The following CWH43 variants were observed in gnomAD, a reference collection of about 807,000 sequenced individuals.
The protein encoded by CWH43 is cell wall biogenesis 43 C-terminal homolog.
CWH43 carries 91 observed loss-of-function variants against 85.7 expected under a neutral mutation model. The observed-to-expected ratio is 1.06, with a 90% CI of 0.90 to 1.26. The LOEUF is 1.26. Ranked by LOEUF, CWH43 falls within the 50% of genes most tolerant of loss-of-function variation. The probability of loss-of-function intolerance (pLI) is 0.00; values close to 1 mark genes in which losing one functional copy is unlikely to be tolerated. For missense variants in CWH43, 869 were observed against 839.2 expected (o/e 1.04, Z -0.44); for synonymous variants, 323 against 293.6 (o/e 1.10, Z -1.02).
rs746764467 is a variant in CWH43 at position 49,028,640 on chromosome 4, A to T, written c.1278A>T (p.Lys426Asn). ...AAACAATTCCTCAGGCACCAACCAA[A>T]GAGGTCTCTGCTGCCATCTGGCCTT... ...ERKLGKVAPT[K>N]EVSAAIWPFR... Residue 426 changes from lysine (K) to asparagine (N), a missense_variant, in exon 10 of 16, where the codon AAA (lysine) becomes AAT (asparagine). Physicochemically the swap from Lys to Asn is moderately conservative, Grantham distance 94. Transcript: ENST00000226432. The T allele has an allele frequency of 4.3e-6, 7 of 1,612,960 alleles. No individual in the cohort carries two copies. The highest frequency in any genetic ancestry group is 5.9e-6 in the Non-Finnish European group (7 of 1,179,340).
chr4:49,004,217 C>T (rs1783082734), intron 7 of CWH43, among the ~76,000 whole-genome samples: 1 of 152,168 alleles, frequency 6.6e-6, no homozygotes, highest in South Asian at 2.1e-4. Context: ...ATACTTATTA[C>T]TACAAAGGTC....
chr4:49,049,085 C>G (rs775094569), intron 14 of CWH43, among the ~76,000 whole-genome samples: 70 of 152,196 alleles, frequency 4.6e-4, no homozygotes, highest in Admixed American at 1.1e-3. Flanking sequence ...TTAAATGGGT[C>G]AGAACTTTGA....
Position 48,998,552 on chromosome 4 carries a change from T to C in CWH43, c.802+4T>C, listed in dbSNP as rs1782891160. On this transcript the variant is annotated splice_donor_region_variant and intron_variant, in intron 6 of 15. Coordinates refer to ENST00000226432, the MANE Select transcript of CWH43 (RefSeq NM_025087.3). The stretch of plus-strand genomic sequence containing the variant: ...GGTTTGATCTGGTGGGTTACAGGTA[T>C]GTGGAATTTACCTGCAGATAGAACA... 2 of 1,606,212 alleles carry C rather than the reference T, an allele frequency of 1.2e-6. No homozygotes were observed. Among genetic ancestry groups the C allele is most frequent in the East Asian group, 2.2e-5 (1 of 44,856 alleles).
At chr4:49,006,759 T>A (rs1783169805) in intron 7 of CWH43, among the ~76,000 whole-genome samples, 1 of 152,176 alleles carries the variant, frequency 6.6e-6, no homozygotes, top group Non-Finnish European at 1.5e-5. Flanking sequence ...AAAACTCACA[T>A]CCTGGGGCAG....
At position 49,057,677 on chromosome 4, in the gene CWH43, T is replaced by G. The variant is rs77497646; in HGVS notation, c.2022-4135T>G. On this transcript the variant is annotated intron_variant, in intron 15 of 15. Transcript: ENST00000226432. ...GTCTACTGTTTCCTTGTTGATTTTCTATTTGAATGATTTATCCATTGTTGG... is the reference window on the plus strand; with the variant it reads ...GTCTACTGTTTCCTTGTTGATTTTCGATTTGAATGATTTATCCATTGTTGG... Among the ~76,000 whole-genome samples, 538 of 152,356 alleles carry G rather than the reference T, an allele frequency of 3.5e-3. 21 individuals are homozygous for G. The East Asian group carries it at 0.087, about 25-fold the overall frequency.
chr4:49,040,343 C>T (rs1414852975), intron 13 of CWH43, among the ~76,000 whole-genome samples: 1 of 152,206 alleles, frequency 6.6e-6, no homozygotes, highest in Non-Finnish European at 1.5e-5. Flanking sequence ...AATGGTTGAA[C>T]TAGTTTACAG....
chr4:48,988,820 T>A, intron 2 of CWH43, 152 bp downstream of exon 2: 1 of 567,264 alleles, frequency 1.8e-6, no homozygotes, highest in Non-Finnish European at 3.0e-6. Context: ...CTTTAGTAAT[T>A]GGAAGACTAG....
chr4:49,029,713 C>T (rs1784036054), intron 10 of CWH43, among the ~76,000 whole-genome samples: 1 of 152,234 alleles, frequency 6.6e-6, no homozygotes, highest in South Asian at 2.1e-4. Context: ...GGCAGCAATG[C>T]TGCTCAGTTA....
chr4:48,986,453 C>G lies in CWH43; in HGVS notation c.24C>G (p.Ile8Met). The change falls in exon 1 of 16, where the codon ATC becomes ATG. Residue 8 changes from isoleucine (I) to methionine (M), a missense_variant. This residue lies in a region of CWH43 where 140 missense variants were observed against 122.6 expected (regional missense o/e 1.14). Coordinates refer to ENST00000226432, the MANE Select transcript of CWH43 (RefSeq NM_025087.3). ...CGATGCCCTCGCTGTGGAGAGAAAT[C>G]CTCTTGGAGTCGCTGCTGGGTAAGC... Reference protein sequence around the residue: MPSLWREILLESLLGCVS... With the variant: MPSLWREMLLESLLGCVS... 5 of 1,551,056 alleles carry G rather than the reference C, an allele frequency of 3.2e-6. No homozygotes were observed. Among genetic ancestry groups the G allele is most frequent in the Non-Finnish European group, 4.4e-6 (5 of 1,144,464 alleles).
intron 13 of CWH43, among the ~76,000 whole-genome samples, chr4:49,041,097 A>G (rs1176201726): frequency 6.6e-6 from 1 of 151,942 alleles, no homozygotes; most frequent in Non-Finnish European, 1.5e-5. Context: ...TCTTCCATTG[A>G]TCTATATCTC....
At position 49,007,185 on chromosome 4, in the gene CWH43, C is replaced by G; in HGVS notation, c.1061-16C>G. Reference sequence around the variant, plus strand: ...TGGATCAGACTATAACATATTCTTTCTTTCTCTTATAACAGGGACAATGAT... The same window carrying G: ...TGGATCAGACTATAACATATTCTTTGTTTCTCTTATAACAGGGACAATGAT... On this transcript the variant is annotated splice_polypyrimidine_tract_variant and intron_variant, in intron 7 of 15. Transcript: ENST00000226432. 5 of 1,597,446 alleles carry G rather than the reference C, an allele frequency of 3.1e-6. No individual in the cohort carries two copies. Among genetic ancestry groups the G allele is most frequent in the Non-Finnish European group, 3.4e-6 (4 of 1,174,382 alleles).
chr4:49,011,185 G>A (rs1560493994), intron 8 of CWH43, among the ~76,000 whole-genome samples: 1 of 152,148 alleles, frequency 6.6e-6, no homozygotes, highest in Non-Finnish European at 1.5e-5. Flanking sequence ...ATATATTTAG[G>A]ATAGTTAGCT....
At chr4:49,004,301 T>C (rs1157863288) in intron 7 of CWH43, among the ~76,000 whole-genome samples, 1 of 152,202 alleles carries the variant, frequency 6.6e-6, no homozygotes, top group Non-Finnish European at 1.5e-5. Context: ...TGTTATACGA[T>C]GCGTTAGGAA....
At chr4:48,999,587 C>T (rs1186139996) in intron 6 of CWH43, among the ~76,000 whole-genome samples, 3 of 152,128 alleles carry the variant, frequency 2.0e-5, no homozygotes, top group Admixed American at 6.5e-5. Context: ...TTAGGCTGTC[C>T]CTCACCTGAT....
intron 8 of CWH43, among the ~76,000 whole-genome samples, chr4:49,015,969 A>G (rs1783529805): frequency 6.6e-6 from 1 of 152,130 alleles, no homozygotes. Context: ...ATTCTGATTC[A>G]GAGAGTTCCA....
chr4:49,057,162 G>T (rs568782725), intron 15 of CWH43, among the ~76,000 whole-genome samples: 2 of 152,298 alleles, frequency 1.3e-5, no homozygotes, highest in Admixed American at 1.3e-4. Context: ...CAAAGTTAAG[G>T]ATGCACACCT....
chr4:49,001,545 G>C (rs1286752128), intron 6 of CWH43, among the ~76,000 whole-genome samples: 1 of 152,104 alleles, frequency 6.6e-6, no homozygotes, highest in Non-Finnish European at 1.5e-5. Flanking sequence ...GGTATCTCTG[G>C]AAGGATGCAA....
chr4:48,991,989 G>A lies in CWH43; in HGVS notation c.410G>A (p.Arg137His), dbSNP rs750002003. The A allele has an allele frequency of 2.7e-5, 44 of 1,613,584 alleles. No individual in the cohort carries two copies. The highest frequency in any genetic ancestry group is 5.3e-5 in the African/African-American group (4 of 74,922). The change falls in exon 4 of 16, where the codon CGC becomes CAC. Residue 137 changes from arginine (R) to histidine (H), a missense_variant. This residue lies in a region of CWH43 where 152 missense variants were observed against 203.6 expected (regional missense o/e 0.75). Transcript: ENST00000226432. ...ILGQIVLVVL[R>H]IWYTSLNPIW... is the part of the protein sequence containing the mutation. ...GGACAGATTGTTCTTGTTGTTCTAC[G>A]CATATGGTATACTTCACTAAACCCA...
Position 48,986,383 on chromosome 4 carries a change from C to A in CWH43, c.-47C>A. ...GGGGGCGCAGGGCTAGGGCAGCGGGCCCGACCCGCACGGCTTTCCTGGAAA... is the reference window on the plus strand; with the variant it reads ...GGGGGCGCAGGGCTAGGGCAGCGGGACCGACCCGCACGGCTTTCCTGGAAA... On this transcript the variant is annotated 5_prime_UTR_variant, in exon 1 of 16. Coordinates refer to ENST00000226432, the MANE Select transcript of CWH43 (RefSeq NM_025087.3). 5 of 1,535,334 alleles carry A rather than the reference C, an allele frequency of 3.3e-6. No individual in the cohort carries two copies. In the South Asian group the frequency reaches 6.0e-5, roughly 18 times the overall value.
Sources: gnomAD v4.1 joint callset for allele counts (sites outside exome capture counted in the v4.1 genomes callset) on GRCh38, gnomAD v4.1.1 for gene constraint, gnomAD v4.1.1 regional missense constraint, MANE v1.5 for transcripts, NCBI Gene and HGNC (gene_info 2026-07-23, HGNC 2026-07-21) for gene names.